KIF26B: variants seen among roughly 807,000 people sequenced by gnomAD.
KIF26B encodes the protein kinesin family member 26B, also known as kinesin-like protein KIF26B.
A neutral mutation model predicts 151.2 loss-of-function variants in KIF26B; 63 were observed. That is an observed-to-expected ratio of 0.42 (90% confidence interval 0.34 to 0.51). The LOEUF (loss-of-function observed/expected upper bound fraction) is 0.51, where lower values mean the gene tolerates loss of function less well. Ranked by LOEUF, KIF26B falls within the 20% of genes least tolerant of loss-of-function variation. KIF26B has a pLI of 0.07. For missense variants in KIF26B, 2,813 were observed against 2,913.6 expected (o/e 0.97, Z 0.79); for synonymous variants, 1,357 against 1,262.1 (o/e 1.08, Z -1.59).
chr1:245,248,724 C>CT (rs1269544098), intron 2 of KIF26B, among the ~76,000 whole-genome samples: 7 of 152,200 alleles, frequency 4.6e-5, no homozygotes, highest in Admixed American at 4.6e-4. Flanking sequence ...TTAAACTGAA[C>CT]TTGATTTGTG....
intron 2 of KIF26B, among the ~76,000 whole-genome samples, chr1:245,175,602 T>G (rs1440911132): frequency 6.6e-6 from 1 of 152,140 alleles, no homozygotes; most frequent in Non-Finnish European, 1.5e-5. Context: ...CAATGCAAGA[T>G]TTTTTAAAAA....
At chr1:245,570,902 A>G (rs1305044070) in intron 5 of KIF26B, among the ~76,000 whole-genome samples, 1 of 152,238 alleles carries the variant, frequency 6.6e-6, no homozygotes, top group Non-Finnish European at 1.5e-5. Flanking sequence ...AGAGCCACAT[A>G]TTCTTTCTTC....
intron 10 of KIF26B, among the ~76,000 whole-genome samples, chr1:245,665,296 A>T (rs79464540): frequency 0.049 from 7,387 of 152,290 alleles, 551 homozygotes; most frequent in African/African-American, 0.16. Flanking sequence ...TTGAACCACA[A>T]GCCATCAAAA....
intron 6 of KIF26B, among the ~76,000 whole-genome samples, chr1:245,603,595 G>A (rs1385733327): frequency 6.6e-6 from 1 of 152,172 alleles, no homozygotes; most frequent in Non-Finnish European, 1.5e-5. Context: ...TTACACTGGT[G>A]TAGAATAGCC....
chr1:245,167,769 G>C lies in KIF26B; in HGVS notation c.465+11086G>C, dbSNP rs973469278. 1.3e-5 allele frequency among the ~76,000 whole-genome samples: 2 copies of C among 152,098 alleles called. No individual in the cohort carries two copies. Among genetic ancestry groups the C allele is most frequent in the African/African-American group, 4.8e-5 (2 of 41,404 alleles). ...TGTCTTCCCCATGGTACCATGGCTG[G>C]GAATTAGAGCATCAGGTGTCCTTTA... On this transcript the variant is annotated intron_variant, in intron 2 of 14. Coordinates refer to ENST00000407071, the MANE Select transcript of KIF26B (RefSeq NM_018012.4). This position sits in a 1 kb window ranked among gnomAD's most constrained non-coding sequence, Gnocchi z 4.2.
At chr1:245,156,828 C>T (rs1346326546) in intron 2 of KIF26B, 145 bp downstream of exon 2, 2 of 463,870 alleles carry the variant, frequency 4.3e-6, no homozygotes, top group East Asian at 7.9e-5. Context: ...CCACACCTCA[C>T]GGGGCTCTAG....
At chr1:245,451,358 A>G (rs966318251) in intron 4 of KIF26B, among the ~76,000 whole-genome samples, 23 of 152,140 alleles carry the variant, frequency 1.5e-4, no homozygotes, top group African/African-American at 4.1e-4. Context: ...ATTACTTAAT[A>G]TCAAATTTTT....
intron 2 of KIF26B, among the ~76,000 whole-genome samples, chr1:245,273,078 C>A (rs978141336): frequency 8.6e-5 from 13 of 151,588 alleles, no homozygotes; most frequent in African/African-American, 3.1e-4. Context: ...TTTTTATTAG[C>A]CTTTTGTTTG....
chr1:245,598,195 C>T (rs1337377354), intron 5 of KIF26B, among the ~76,000 whole-genome samples: 1 of 152,154 alleles, frequency 6.6e-6, no homozygotes, highest in Non-Finnish European at 1.5e-5. Flanking sequence ...CACACTCTTA[C>T]TGGGCATTTA....
At chr1:245,641,751 C>T (rs989646363) in intron 9 of KIF26B, among the ~76,000 whole-genome samples, 4 of 152,152 alleles carry the variant, frequency 2.6e-5, no homozygotes, top group Non-Finnish European at 5.9e-5. Flanking sequence ...ACTGAGCTTC[C>T]TTAAAACTGC....
rs1266433102 is a variant in KIF26B, at chr1:245,516,789, A to G, written c.1167-23978A>G. The stretch of plus-strand genomic sequence containing the variant: ...AAGTAATACGCTCCTTGACGGCCAA[A>G]ACTGTCATTTGCACATTCTCTTCAG... On this transcript the variant is annotated intron_variant, in intron 4 of 14. Coordinates refer to ENST00000407071, the MANE Select transcript of KIF26B (RefSeq NM_018012.4). The surrounding 1 kb of genome is among the most constrained non-coding windows in gnomAD (Gnocchi z 4.2). Among the ~76,000 whole-genome samples the G allele has an allele frequency of 6.6e-6, 1 of 152,176 alleles. No individual in the cohort carries two copies. Among genetic ancestry groups the G allele is most frequent in the East Asian group, 1.9e-4 (1 of 5,200 alleles).
intron 2 of KIF26B, among the ~76,000 whole-genome samples, chr1:245,308,648 C>A (rs150298883): frequency 6.6e-6 from 1 of 152,116 alleles, no homozygotes; most frequent in East Asian, 1.9e-4. Context: ...GGGAGGATCA[C>A]CTGAGCTGAG....
intron 5 of KIF26B, among the ~76,000 whole-genome samples, chr1:245,585,412 A>G (rs114986427): frequency 0.036 from 5,546 of 152,286 alleles, 124 homozygotes; most frequent in Middle Eastern, 0.088. Flanking sequence ...CAGAAACCCA[A>G]TCACTAACTT....
chr1:245,609,564 G>T, intron 8 of KIF26B, 36 bp downstream of exon 8: 1 of 1,475,128 alleles, frequency 6.8e-7, no homozygotes, highest in Non-Finnish European at 9.0e-7. Context: ...CCCCAAGGTG[G>T]CTCCCTCCCC....
chr1:245,169,531 T>C (rs1388841583), intron 2 of KIF26B, among the ~76,000 whole-genome samples: 1 of 152,148 alleles, frequency 6.6e-6, no homozygotes, highest in African/African-American at 2.4e-5. Context: ...GAAGGATGGC[T>C]GACCCTCTCG....
chr1:245,228,892 G>A (rs1049025570), intron 2 of KIF26B, among the ~76,000 whole-genome samples: 6 of 152,230 alleles, frequency 3.9e-5, no homozygotes, highest in South Asian at 2.1e-4. Flanking sequence ...ACTCCTAATC[G>A]TAGCCTGATG....
At chr1:245,652,125 TGTGTG>T (rs2044024144) in intron 10 of KIF26B, among the ~76,000 whole-genome samples, 8 of 139,016 alleles carry the variant, frequency 5.8e-5, no homozygotes, top group Admixed American at 4.3e-4. Flanking sequence ...TGTGTGTGTG[TGTGTG>T]TGTGTGTGTG....
At chr1:245,260,765 G>A (rs1670620573) in intron 2 of KIF26B, among the ~76,000 whole-genome samples, 1 of 152,132 alleles carries the variant, frequency 6.6e-6, no homozygotes, top group South Asian at 2.1e-4. Flanking sequence ...GATGGGGTGG[G>A]TGCTCAACCC....
chr1:245,283,624 G>T (rs563767055), intron 2 of KIF26B, among the ~76,000 whole-genome samples: 1 of 151,202 alleles, frequency 6.6e-6, no homozygotes, highest in East Asian at 1.9e-4. Flanking sequence ...TATATGTAGT[G>T]TAAAGATAAG....
Sources: gnomAD v4.1 joint callset for allele counts (sites outside exome capture counted in the v4.1 genomes callset) on GRCh38, gnomAD v4.1.1 for gene constraint, Gnocchi (gnomAD v3.1) non-coding constraint, MANE v1.5 for transcripts, NCBI Gene and HGNC (gene_info 2026-07-23, HGNC 2026-07-21) for gene names.